Variants in CSMD1 observed in about 807,000 individuals in gnomAD.
The protein encoded by CSMD1 is CUB and Sushi multiple domains 1, also known as CUB and sushi domain-containing protein 1.
In CSMD1, 213 loss-of-function variants were observed where a neutral mutation model predicts 417.5. That is an observed-to-expected ratio of 0.51 (90% CI 0.46 to 0.57). The LOEUF (loss-of-function observed/expected upper bound fraction) is 0.57, where lower values mean the gene tolerates loss of function less well. Among genes scored for constraint, CSMD1 ranks in the 20% least tolerant of loss-of-function variants. The pLI, the probability that CSMD1 is intolerant of heterozygous loss-of-function variation, is 0.00. For missense variants in CSMD1, 6,923 were observed against 4,529.7 expected (o/e 1.53, Z -15.17); for synonymous variants, 2,862 against 1,736.8 (o/e 1.65, Z -16.11).
intron 3 of CSMD1, among the ~76,000 whole-genome samples, chr8:4,123,763 T>C (rs1298592946): frequency 6.6e-6 from 1 of 152,156 alleles, no homozygotes; most frequent in Non-Finnish European, 1.5e-5. Flanking sequence ...CTGTGATAAT[T>C]TACTGATGAT....
intron 6 of CSMD1, among the ~76,000 whole-genome samples, chr8:3,715,364 G>T (rs932201694): frequency 6.6e-6 from 1 of 152,110 alleles, no homozygotes; most frequent in African/African-American, 2.4e-5. Flanking sequence ...CCATTTCACA[G>T]TCTAAAACCT....
chr8:3,294,786 C>T (rs538724380), intron 25 of CSMD1, among the ~76,000 whole-genome samples: 6 of 152,122 alleles, frequency 3.9e-5, no homozygotes, highest in Non-Finnish European at 8.8e-5. Flanking sequence ...TGAGTTGATG[C>T]CTCCCCCTGC....
At chr8:3,207,233 G>A (rs1335947540) in intron 30 of CSMD1, among the ~76,000 whole-genome samples, 24 of 134,518 alleles carry the variant, frequency 1.8e-4, no homozygotes, top group Non-Finnish European at 3.4e-4. Context: ...TGCAACCTCC[G>A]CCACCCGGGT....
intron 12 of CSMD1, among the ~76,000 whole-genome samples, chr8:3,433,333 G>C (rs909054680): frequency 4.6e-5 from 7 of 152,144 alleles, no homozygotes; most frequent in Non-Finnish European, 7.4e-5. Flanking sequence ...TCCACTGCCT[G>C]ACTGTTTTTC....
intron 2 of CSMD1, among the ~76,000 whole-genome samples, chr8:4,573,394 C>T (rs150658977): frequency 0.024 from 3,708 of 152,246 alleles, 117 homozygotes; most frequent in African/African-American, 0.084. Flanking sequence ...TGCAGGTCTG[C>T]TGGAGTTTGC....
intron 26 of CSMD1, among the ~76,000 whole-genome samples, chr8:3,273,818 CTG>C (rs1802061938): frequency 6.6e-6 from 1 of 152,004 alleles, no homozygotes; most frequent in Admixed American, 6.5e-5. Context: ...TGATTCCTCT[CTG>C]TTTTTTTCTT....
chr8:4,676,278 T>A (rs145442892), intron 1 of CSMD1, among the ~76,000 whole-genome samples: 3 of 152,140 alleles, frequency 2.0e-5, no homozygotes, highest in African/African-American at 7.2e-5. Context: ...CTCTATATAT[T>A]AAGATAAATT....
At chr8:4,257,542 C>G (rs1463155435) in intron 3 of CSMD1, among the ~76,000 whole-genome samples, 1 of 152,100 alleles carries the variant, frequency 6.6e-6, no homozygotes, top group Non-Finnish European at 1.5e-5. Context: ...AAAGTCCTTT[C>G]AATTACATTT....
intron 1 of CSMD1, among the ~76,000 whole-genome samples, chr8:4,740,437 C>G (rs1323273580): frequency 1.3e-5 from 2 of 152,146 alleles, no homozygotes; most frequent in Non-Finnish European, 2.9e-5. Flanking sequence ...TTCTGCAACA[C>G]TGAATGCAAT....
intron 5 of CSMD1, among the ~76,000 whole-genome samples, chr8:3,861,149 A>C (rs780880343): frequency 6.6e-6 from 1 of 152,108 alleles, no homozygotes; most frequent in African/African-American, 2.4e-5. Flanking sequence ...CACCTTTAAC[A>C]CACTGTCCTT....
chr8:3,104,710 C>T lies in CSMD1; in HGVS notation c.6949+1818G>A, dbSNP rs972318405. On this transcript the variant is annotated intron_variant, in intron 46 of 69. Coordinates refer to ENST00000635120, the MANE Select transcript of CSMD1 (RefSeq NM_033225.6). ...GTTATCAGACTTTTTTTTTTCTTTTCTTTTTTTTTTTTTTTGAGACAGAGT... is the reference window on the plus strand; with the variant it reads ...GTTATCAGACTTTTTTTTTTCTTTTTTTTTTTTTTTTTTTTGAGACAGAGT... 1.5e-4 allele frequency among the ~76,000 whole-genome samples: 20 copies of T among 135,014 alleles called. No individual in the cohort carries two copies. In the East Asian group the frequency reaches 1.9e-3, roughly 13 times the overall value. The allele number at this position is 135,014 out of a possible 152,430, so 88.6% of individuals were successfully genotyped here. A position where few individuals can be genotyped will look rare whatever the true frequency, so the allele number is the denominator to read the frequency against.
chr8:3,638,908 C>T (rs2406992), intron 7 of CSMD1, among the ~76,000 whole-genome samples: 107 of 152,078 alleles, frequency 7.0e-4, no homozygotes, highest in Admixed American at 9.8e-4. Context: ...GAAGGGACTC[C>T]GAATAGCCTG....
intron 2 of CSMD1, among the ~76,000 whole-genome samples, chr8:4,445,540 C>A (rs1190066634): frequency 1.3e-5 from 2 of 152,192 alleles, no homozygotes; most frequent in South Asian, 4.2e-4. Flanking sequence ...ATTTGGGTAG[C>A]TTGTGTGATA....
chr8:3,392,671 T>G (rs1811421518), intron 17 of CSMD1, among the ~76,000 whole-genome samples: 1 of 152,120 alleles, frequency 6.6e-6, no homozygotes, highest in Non-Finnish European at 1.5e-5. Flanking sequence ...ATTCTGATTT[T>G]CATCATGAGT....
rs551302070 is a variant in CSMD1, at chr8:4,433,513, A to G, written c.303-13448T>C. On this transcript the variant is annotated intron_variant, in intron 2 of 69. Transcript: ENST00000635120. ...CAAGTGTTTCCCTCATTCCCAAGGC[A>G]GCCCCAGATCCCCCTGCCGGCAAGA... 7.2e-5 allele frequency among the ~76,000 whole-genome samples: 11 copies of G among 152,290 alleles called. No individual in the cohort carries two copies. In the South Asian group the frequency reaches 2.3e-3, roughly 32 times the overall value.
chr8:4,930,148 T>C (rs1479301775), intron 1 of CSMD1, among the ~76,000 whole-genome samples: 2 of 152,174 alleles, frequency 1.3e-5, no homozygotes, highest in Non-Finnish European at 2.9e-5. Flanking sequence ...TTGGTTTAGG[T>C]TCTAGATTCA....
At chr8:3,343,512 G>T (rs156076) in intron 22 of CSMD1, 62 bp from the exon 23 acceptor site, 1,285,438 of 1,420,948 alleles carry the variant, frequency 0.9, 584,449 homozygotes, top group East Asian at 1. Context: ...GTTAGCAATG[G>T]TAATAAACAA....
At chr8:3,259,939 T>C (rs1248176559) in intron 26 of CSMD1, among the ~76,000 whole-genome samples, 1 of 152,222 alleles carries the variant, frequency 6.6e-6, no homozygotes, top group Non-Finnish European at 1.5e-5. Context: ...TGTAGCTGCC[T>C]TTGGGCTACA....
intron 14 of CSMD1, 92 bp downstream of exon 14, chr8:3,407,807 C>A: frequency 9.2e-7 from 1 of 1,086,030 alleles, no homozygotes; most frequent in Non-Finnish European, 1.3e-6. Flanking sequence ...GAAGTATCAA[C>A]CTTGAAATGC....
Sources: gnomAD v4.1 joint callset for allele counts (sites outside exome capture counted in the v4.1 genomes callset) on GRCh38, gnomAD v4.1.1 for gene constraint, MANE v1.5 for transcripts, NCBI Gene and HGNC (gene_info 2026-07-23, HGNC 2026-07-21) for gene names.